SCN1A: variants seen among roughly 807,000 people sequenced by gnomAD.
The protein encoded by SCN1A is sodium channel protein type 1 subunit alpha.
SCN1A carries 13 observed loss-of-function variants against 193.7 expected under a neutral mutation model. That is an observed-to-expected ratio of 0.07 (90% CI 0.04 to 0.11). The LOEUF (loss-of-function observed/expected upper bound fraction) is 0.11, where lower values mean the gene tolerates loss of function less well. Ranked by LOEUF, SCN1A falls within the 10% of genes least tolerant of loss-of-function variation. The pLI, the probability that SCN1A is intolerant of heterozygous loss-of-function variation, is 1.00. For synonymous variants in SCN1A, 781 were observed against 843.6 expected (o/e 0.93, Z 1.29); for missense variants, 1,432 against 2,451.1 (o/e 0.58, Z 8.78).
intron 19 of SCN1A, among the ~76,000 whole-genome samples, chr2:166,034,766 G>T (rs1696109481): frequency 6.6e-6 from 1 of 152,158 alleles, no homozygotes; most frequent in Admixed American, 6.5e-5. Flanking sequence ...GGTCATACAG[G>T]TTGGACTTTA....
At chr2:166,096,004 T>C (rs1407744436) in intron 2 of SCN1A, among the ~76,000 whole-genome samples, 1 of 152,210 alleles carries the variant, frequency 6.6e-6, no homozygotes, top group African/African-American at 2.4e-5. Context: ...GGCCCAGATT[T>C]ATTCTAAAGT....
In SCN1A at chr2:166,041,091, C is replaced by A. The variant is rs1697107353; in HGVS notation, c.2415+140G>T. The A allele has an allele frequency of 7.0e-6, 5 of 715,970 alleles. No homozygotes were observed. The South Asian group carries it at 8.1e-5, about 12-fold the overall frequency. The allele number at this position is 715,970 out of a possible 1,614,324, so 44.4% of individuals were successfully genotyped here. On this transcript the variant is annotated intron_variant, in intron 16 of 28. Transcript: ENST00000674923. ...TTTTTGGCAAAAAAGTAGAGTATAG[C>A]CAGCTAAATATAATTGCGATTTTGC...
intron 21 of SCN1A, 150 bp from the exon 22 acceptor site, chr2:166,012,432 A>T: frequency 1.6e-6 from 1 of 630,978 alleles, no homozygotes; most frequent in South Asian, 2.0e-5. Context: ...TTCCTCGCAA[A>T]GGTCTTTTAC....
Position 166,127,838 on chromosome 2 carries a change from T to A in SCN1A, c.-296A>T, listed in dbSNP as rs772271153. On this transcript the variant is annotated 5_prime_UTR_variant, in exon 1 of 29. Transcript: ENST00000674923. ...TCACCCAAAGACGAGATGATAACAA[T>A]GTGCCTTCAGTTGCAATTGTTCAGA... 1 of 152,160 alleles carries A rather than the reference T, an allele frequency of 6.6e-6. No homozygotes were observed. The highest frequency in any genetic ancestry group is 1.5e-5 in the Non-Finnish European group (1 of 68,022). 9.4% of individuals were successfully genotyped at this position (152,160 alleles called of 1,614,324 possible).
intron 2 of SCN1A, among the ~76,000 whole-genome samples, chr2:166,082,054 A>C (rs962953551): frequency 6.6e-6 from 1 of 152,072 alleles, no homozygotes; most frequent in African/African-American, 2.4e-5. Flanking sequence ...TCAGGCAGAC[A>C]AGACCTAGTT....
At chr2:166,120,985 G>A (rs1016708204) in intron 2 of SCN1A, among the ~76,000 whole-genome samples, 9 of 151,746 alleles carry the variant, frequency 5.9e-5, no homozygotes, top group Non-Finnish European at 1.3e-4. Flanking sequence ...ATAGTTTGGT[G>A]GAAATGTCAG....
chr2:166,044,189 T>G, intron 13 of SCN1A, 140 bp from the exon 14 acceptor site: 1 of 1,020,444 alleles, frequency 9.8e-7, no homozygotes, highest in South Asian at 1.6e-5. Flanking sequence ...ATCATTCTCA[T>G]TTTATGTGCA....
At chr2:166,103,634 TG>T (rs1688381060) in intron 2 of SCN1A, among the ~76,000 whole-genome samples, 1 of 152,046 alleles carries the variant, frequency 6.6e-6, no homozygotes, top group Non-Finnish European at 1.5e-5. Context: ...AAATGGGTTT[TG>T]TAAAATAAAA....
intron 19 of SCN1A, among the ~76,000 whole-genome samples, chr2:166,024,597 A>G (rs1321148598): frequency 6.6e-6 from 1 of 152,216 alleles, no homozygotes; most frequent in African/African-American, 2.4e-5. Flanking sequence ...TTTGATAACA[A>G]TTAGGAGTAA....
At position 166,054,551 on chromosome 2, in the gene SCN1A, A is replaced by G. The variant is rs1167236871; in HGVS notation, c.602+87T>C. The G allele has an allele frequency of 3.6e-6, 5 of 1,371,546 alleles. No individual in the cohort carries two copies. In the East Asian group the frequency reaches 6.9e-5, roughly 19 times the overall value. The allele number at this position is 1,371,546 out of a possible 1,614,324, so 85.0% of individuals were successfully genotyped here. A position where few individuals can be genotyped will look rare whatever the true frequency, so the allele number is the denominator to read the frequency against. ...TATAAATCACACCAAAATATTCTAC[A>G]GGTAAAGCAAACCTATTCTTAAAAG... On this transcript the variant is annotated intron_variant, in intron 7 of 28. Transcript: ENST00000674923.
In SCN1A at chr2:166,106,619, G is replaced by A. The variant is rs569111703; in HGVS notation, c.-142+20305C>T. ...GCAGTGTGCGGTGTCAGTGCTGGGA[G>A]AACTGTGGCAAAGTGGTCACTAGGC... On this transcript the variant is annotated intron_variant, in intron 2 of 28. Transcript: ENST00000674923. 2.6e-5 allele frequency among the ~76,000 whole-genome samples: 4 copies of A among 152,270 alleles called. No homozygotes were observed. The South Asian group carries it at 8.3e-4, about 32-fold the overall frequency.
intron 2 of SCN1A, among the ~76,000 whole-genome samples, chr2:166,118,940 G>C (rs1690220706): frequency 6.6e-6 from 1 of 152,198 alleles, no homozygotes; most frequent in Non-Finnish European, 1.5e-5. Context: ...TTTTGTGGAA[G>C]ACAGTTGTTC....
At chr2:166,002,449 C>G (rs1264224199) in intron 24 of SCN1A, 23 bp downstream of exon 24, 1 of 1,599,098 alleles carries the variant, frequency 6.3e-7, no homozygotes, top group South Asian at 1.1e-5. Flanking sequence ...TAAAAATATT[C>G]AGAGAAAATA....
At chr2:166,148,693 A>G (rs1692418175) in intron 1 of SCN1A, among the ~76,000 whole-genome samples, 1 of 152,196 alleles carries the variant, frequency 6.6e-6, no homozygotes, top group Non-Finnish European at 1.5e-5. Context: ...AGCCAGAGAC[A>G]AGGGCAACGT....
intron 20 of SCN1A, among the ~76,000 whole-genome samples, chr2:166,014,950 G>A (rs1348453052): frequency 6.6e-6 from 1 of 151,756 alleles, no homozygotes; most frequent in Non-Finnish European, 1.5e-5. Context: ...TAAGTGATAT[G>A]CATGATTTGT....
chr2:166,070,755 G>C (rs1684330998), intron 4 of SCN1A, among the ~76,000 whole-genome samples: 2 of 152,042 alleles, frequency 1.3e-5, no homozygotes, highest in South Asian at 4.2e-4. Context: ...CAGTCTGAAA[G>C]CTCTTTAATT....
chr2:166,127,686 A>G (rs1183299770), intron 1 of SCN1A, 85 bp downstream of exon 1: 1 of 152,254 alleles, frequency 6.6e-6, no homozygotes, highest in African/African-American at 2.4e-5. Flanking sequence ...GCTCTGCCCA[A>G]ACTGAATTTC....
rs1230458283 is a variant in SCN1A at position 165,990,165 on chromosome 2, G to A, written c.*1080C>T. The A allele has an allele frequency of 6.6e-6, 1 of 152,528 alleles. No homozygotes were observed. Among genetic ancestry groups the A allele is most frequent in the East Asian group, 1.9e-4 (1 of 5,182 alleles). 9.4% of individuals were successfully genotyped at this position (152,528 alleles called of 1,614,324 possible). A position where few individuals can be genotyped will look rare whatever the true frequency, so the allele number is the denominator to read the frequency against. On this transcript the variant is annotated 3_prime_UTR_variant, in exon 29 of 29. Transcript: ENST00000674923. ...ACATTTTATTACCTGTGTAAAGCTT[G>A]CACTCTACATTTCTTGTGGTACATA...
At position 165,991,833 on chromosome 2, in the gene SCN1A, C is replaced by T. The variant is rs144595013; in HGVS notation, c.5442G>A (p.Lys1814=). ...DFEMFYEVWE[K]FDPDATQFME... is the part of the protein sequence containing the mutation. ...TGAACTGAGTTGCATCGGGATCAAA[C>T]TTCTCCCAAACCTCATAGAACATCT... Residue 1814 remains lysine (K), a synonymous_variant, in exon 29 of 29, where the codon AAG becomes AAA. Coordinates refer to ENST00000674923, the MANE Select transcript of SCN1A (RefSeq NM_001165963.4). 3 of 1,613,836 alleles carry T rather than the reference C, an allele frequency of 1.9e-6. No homozygotes were observed. The African/African-American group carries it at 4.0e-5, about 22-fold the overall frequency.
Sources: allele counts gnomAD v4.1 joint callset (sites outside exome capture counted in the v4.1 genomes callset), GRCh38; gene constraint gnomAD v4.1.1; transcripts MANE v1.5; gene names NCBI Gene and HGNC (gene_info 2026-07-23, HGNC 2026-07-21).